The following GNB4 variants were observed in gnomAD, a reference collection of about 807,000 sequenced individuals.
The protein encoded by GNB4 is guanine nucleotide-binding protein subunit beta-4.
Under a neutral mutation model 45.2 loss-of-function variants are expected in GNB4, and 28 were observed. That is an observed-to-expected ratio of 0.62 (90% CI 0.46 to 0.85). The LOEUF is 0.85. Ranked by LOEUF, GNB4 falls within the 40% of genes least tolerant of loss-of-function variation. The pLI, the probability that GNB4 is intolerant of heterozygous loss-of-function variation, is 0.00. For missense variants in GNB4, 321 were observed against 425.4 expected (o/e 0.75, Z 2.16); for synonymous variants, 132 against 143.7 (o/e 0.92, Z 0.58).
rs569492006 is a variant in GNB4 at position 179,432,426 on chromosome 3, CCAA to C, written c.-42-6187_-42-6185del. Among the ~76,000 whole-genome samples, 26 of 152,210 alleles carry C rather than the reference CCAA, an allele frequency of 1.7e-4. No homozygotes were observed. The East Asian group carries it at 4.8e-3, about 28-fold the overall frequency. On this transcript the variant is annotated intron_variant, in intron 1 of 9. Coordinates refer to ENST00000232564, the MANE Select transcript of GNB4 (RefSeq NM_021629.4). ...TTTTTGGGTGATCTTTTCTTCTCAGCCAACAACTGTTGGATTCCTGAGAATACC... is the reference window on the plus strand; with the variant it reads ...TTTTTGGGTGATCTTTTCTTCTCAGCCAACTGTTGGATTCCTGAGAATACC...
At chr3:179,502,511 G>A in the GNB4 span, among the ~76,000 whole-genome samples, 1 of 152,062 alleles carries the variant, frequency 6.6e-6, no homozygotes, top group African/African-American at 2.4e-5. Flanking sequence ...GGGATTACAG[G>A]CATGAGTCAC....
chr3:179,431,598 T>G (rs1715312405), intron 1 of GNB4, among the ~76,000 whole-genome samples: 1 of 151,350 alleles, frequency 6.6e-6, no homozygotes, highest in African/African-American at 2.4e-5. Flanking sequence ...TCCTACACAA[T>G]GTACCCCAAT....
chr3:179,442,690 TC>T (rs1715623655), intron 1 of GNB4, among the ~76,000 whole-genome samples: 1 of 151,982 alleles, frequency 6.6e-6, no homozygotes, highest in East Asian at 1.9e-4. Flanking sequence ...GGCACTGCCA[TC>T]CTTGCTCACC....
intron 1 of GNB4, among the ~76,000 whole-genome samples, chr3:179,432,832 T>A (rs1286035697): frequency 6.6e-6 from 1 of 152,040 alleles, no homozygotes; most frequent in Non-Finnish European, 1.5e-5. Context: ...TTTACATCCA[T>A]AGTTTAATAA....
chr3:179,512,437 A>T, the GNB4 span, among the ~76,000 whole-genome samples: 1 of 152,222 alleles, frequency 6.6e-6, no homozygotes, highest in African/African-American at 2.4e-5. Flanking sequence ...CAACTTTTCC[A>T]TATGCATAGC....
the GNB4 span, among the ~76,000 whole-genome samples, chr3:179,521,433 G>A: frequency 3.9e-5 from 6 of 152,152 alleles, no homozygotes; most frequent in African/African-American, 1.4e-4. Context: ...TTGAGCTCCT[G>A]TATAGATGCT....
At chr3:179,439,576 A>G (rs1715545871) in intron 1 of GNB4, among the ~76,000 whole-genome samples, 1 of 152,238 alleles carries the variant, frequency 6.6e-6, no homozygotes, top group African/African-American at 2.4e-5. Flanking sequence ...GTGAATTGAT[A>G]GCTTATCTTC....
At chr3:179,495,703 T>G in the GNB4 span, among the ~76,000 whole-genome samples, 1 of 150,948 alleles carries the variant, frequency 6.6e-6, no homozygotes, top group East Asian at 1.9e-4. Context: ...GAAAGAAAAT[T>G]TTGGAAAGAG....
At chr3:179,447,398 T>TA (rs1715762260) in intron 1 of GNB4, among the ~76,000 whole-genome samples, 1 of 150,306 alleles carries the variant, frequency 6.7e-6, no homozygotes, top group Non-Finnish European at 1.5e-5. Context: ...GGTCTCACTC[T>TA]ATTGCCCAGG....
chr3:179,441,155 A>T (rs1715584392), intron 1 of GNB4, among the ~76,000 whole-genome samples: 1 of 152,210 alleles, frequency 6.6e-6, no homozygotes, highest in Middle Eastern at 3.2e-3. Flanking sequence ...AGAAACATTC[A>T]TCCATTGGAA....
Position 179,405,324 on chromosome 3 carries a change from A to T in GNB4, c.782T>A (p.Leu261Ter), listed in dbSNP as rs1466710089. 1 of 1,614,204 alleles carries T rather than the reference A, an allele frequency of 6.2e-7. No individual in the cohort carries two copies. Among genetic ancestry groups the T allele is most frequent in the Admixed American group, 1.7e-5 (1 of 60,028 alleles). ...RLFDLRADQE[L>*]LLYSHDNIIC... ...GATATTGTCATGAGAATACAATAAT[A>T]ACTCTTGATCTGCACGAAGGTCAAA... is the stretch of plus-strand genomic sequence containing the variant. The change falls in exon 9 of 10, where the codon TTA (leucine) becomes TAA (stop). Residue 261 changes from leucine (L) to a stop codon, truncating the protein, a stop_gained. Transcript: ENST00000232564. LOFTEE classifies it high-confidence loss of function.
At chr3:179,490,728 C>T in the GNB4 span, among the ~76,000 whole-genome samples, 13 of 152,152 alleles carry the variant, frequency 8.5e-5, no homozygotes, top group Admixed American at 2.6e-4. Flanking sequence ...TCTAGCTAAG[C>T]CCCCGGCCAA....
At chr3:179,444,099 A>G (rs1369168212) in intron 1 of GNB4, among the ~76,000 whole-genome samples, 1 of 152,198 alleles carries the variant, frequency 6.6e-6, no homozygotes, top group Non-Finnish European at 1.5e-5. Context: ...CATCATTTCT[A>G]AAACCTTTGC....
the GNB4 span, among the ~76,000 whole-genome samples, chr3:179,518,780 G>T: frequency 6.6e-6 from 1 of 152,138 alleles, no homozygotes; most frequent in Non-Finnish European, 1.5e-5. Context: ...CCAGTTCATG[G>T]CTCATTTGGC....
At chr3:179,514,526 G>A in the GNB4 span, among the ~76,000 whole-genome samples, 1 of 152,190 alleles carries the variant, frequency 6.6e-6, no homozygotes, top group South Asian at 2.1e-4. Context: ...AAATTCATAT[G>A]TTGAATCCCT....
At position 179,396,519 on chromosome 3, in the gene GNB4, GTA is replaced by G. The variant is rs544642763; in HGVS notation, c.*4692_*4693del. Reference sequence around the variant, plus strand: ...ACAAAAGGCTTGAGATATCTACCAAGTATATCACTGAAGTTCTATTAATTAAG... The same window carrying G: ...ACAAAAGGCTTGAGATATCTACCAAGTATCACTGAAGTTCTATTAATTAAG... On this transcript the variant is annotated 3_prime_UTR_variant, in exon 10 of 10. Coordinates refer to ENST00000232564, the MANE Select transcript of GNB4 (RefSeq NM_021629.4). 3.0e-3 allele frequency: 456 copies of G among 152,264 alleles called. 2 individuals are homozygous for G. The highest frequency in any genetic ancestry group is 0.011 in the African/African-American group (442 of 41,546). The allele number at this position is 152,264 out of a possible 1,614,324, so 9.4% of individuals were successfully genotyped here. A position where few individuals can be genotyped will look rare whatever the true frequency, so the allele number is the denominator to read the frequency against.
chr3:179,469,110 G>A, the GNB4 span, among the ~76,000 whole-genome samples: 2 of 152,274 alleles, frequency 1.3e-5, no homozygotes, highest in East Asian at 3.9e-4. Context: ...TTCTCTTGGA[G>A]TTGTATCCTT....
intron 1 of GNB4, among the ~76,000 whole-genome samples, chr3:179,438,343 G>T (rs1577038742): frequency 6.6e-6 from 1 of 152,292 alleles, no homozygotes; most frequent in Admixed American, 6.5e-5. Context: ...TACTTACAGT[G>T]TGACCCCGGA....
At chr3:179,487,866 A>G in the GNB4 span, among the ~76,000 whole-genome samples, 1 of 152,104 alleles carries the variant, frequency 6.6e-6, no homozygotes, top group Non-Finnish European at 1.5e-5. Flanking sequence ...CCTGCCCAAC[A>G]TGGTGAAACC....
Sources: allele counts gnomAD v4.1 joint callset (sites outside exome capture counted in the v4.1 genomes callset), GRCh38; gene constraint gnomAD v4.1.1; transcripts MANE v1.5; gene names NCBI Gene and HGNC (gene_info 2026-07-23, HGNC 2026-07-21).